The following NCOA6 variants were observed in gnomAD, a reference collection of about 807,000 sequenced individuals.
NCOA6 encodes NRC RAP250.
Under a neutral mutation model 171.4 loss-of-function variants are expected in NCOA6, and 49 were observed. The observed-to-expected ratio is 0.29, with a 90% CI of 0.23 to 0.36. The LOEUF (loss-of-function observed/expected upper bound fraction) is 0.36, where lower values mean the gene tolerates loss of function less well. Among genes scored for constraint, NCOA6 ranks in the 10% least tolerant of loss-of-function variants. The pLI, the probability that NCOA6 is intolerant of heterozygous loss-of-function variation, is 1.00. For synonymous variants in NCOA6, 910 were observed against 927.5 expected (o/e 0.98, Z 0.34); for missense variants, 2,248 against 2,554.5 (o/e 0.88, Z 2.59).
chr20:34,807,758 C>G (rs932806363), intron 1 of NCOA6, among the ~76,000 whole-genome samples: 3 of 152,022 alleles, frequency 2.0e-5, no homozygotes, highest in Non-Finnish European at 4.4e-5. Context: ...ATCTCCTGAC[C>G]TCATGATCCG....
chr20:34,735,438 G>T (rs1400674359), intron 12 of NCOA6, among the ~76,000 whole-genome samples: 2 of 152,106 alleles, frequency 1.3e-5, no homozygotes, highest in South Asian at 4.1e-4. Context: ...GAGGTCAGGA[G>T]ATCGAGACCA....
intron 3 of NCOA6, among the ~76,000 whole-genome samples, chr20:34,780,356 T>A (rs1325308579): frequency 6.6e-6 from 1 of 152,154 alleles, no homozygotes; most frequent in African/African-American, 2.4e-5. Flanking sequence ...TGGTTATTTT[T>A]TATTTATTTT....
chr20:34,751,561 A>T (rs1011108353), intron 8 of NCOA6, among the ~76,000 whole-genome samples: 7 of 151,962 alleles, frequency 4.6e-5, no homozygotes, highest in African/African-American at 1.2e-4. Context: ...CTCTGCCCTG[A>T]TGTGGTAAAA....
intron 1 of NCOA6, among the ~76,000 whole-genome samples, chr20:34,812,062 A>G (rs983902919): frequency 6.6e-6 from 1 of 151,986 alleles, no homozygotes; most frequent in Admixed American, 6.6e-5. Flanking sequence ...AGCCTGGCCA[A>G]CATGGTGAAA....
chr20:34,764,151 G>A (rs569357782), intron 5 of NCOA6, among the ~76,000 whole-genome samples: 4 of 150,732 alleles, frequency 2.7e-5, no homozygotes, highest in Middle Eastern at 3.4e-3. Flanking sequence ...GCAGTGGCGC[G>A]ATCTCGGCTC....
At chr20:34,770,653 C>T (rs1356439741) in intron 4 of NCOA6, among the ~76,000 whole-genome samples, 7 of 147,346 alleles carry the variant, frequency 4.8e-5, no homozygotes, top group East Asian at 2.0e-4. Context: ...TTTTTTGAAT[C>T]GGAGTGTCTC....
chr20:34,731,527 A>G (rs1434482627), intron 13 of NCOA6, among the ~76,000 whole-genome samples: 1 of 152,268 alleles, frequency 6.6e-6, no homozygotes, highest in African/African-American at 2.4e-5. Context: ...ATACTGTGAA[A>G]ATTAGATGAG....
intron 1 of NCOA6, among the ~76,000 whole-genome samples, chr20:34,807,416 A>G (rs1430273585): frequency 1.3e-5 from 2 of 152,226 alleles, no homozygotes; most frequent in African/African-American, 4.8e-5. Context: ...CCCATGCCAT[A>G]ATAAAAATGT....
At chr20:34,724,308 A>C (rs1337222591) in intron 14 of NCOA6, among the ~76,000 whole-genome samples, 1 of 152,146 alleles carries the variant, frequency 6.6e-6, no homozygotes, top group Non-Finnish European at 1.5e-5. Flanking sequence ...GTACACCTCA[A>C]TTTTAACTGT....
intron 4 of NCOA6, 64 bp from the exon 5 acceptor site, chr20:34,768,650 C>G: frequency 6.3e-7 from 1 of 1,576,164 alleles, no homozygotes; most frequent in Non-Finnish European, 8.7e-7. Flanking sequence ...TGTTTATAGA[C>G]AGCTATATAA....
chr20:34,722,763 A>C (rs1989528310), intron 14 of NCOA6, among the ~76,000 whole-genome samples: 1 of 151,918 alleles, frequency 6.6e-6, no homozygotes, highest in African/African-American at 2.4e-5. Flanking sequence ...AGGCAAGTGA[A>C]TCACTTGAGG....
At chr20:34,758,231 T>G in intron 6 of NCOA6, 127 bp from the exon 7 acceptor site, 1 of 1,259,992 alleles carries the variant, frequency 7.9e-7, no homozygotes, top group East Asian at 2.5e-5. Context: ...TAAATGCTTG[T>G]GAATACCTTC....
At chr20:34,808,436 C>CTTTTTTT (rs957085400) in intron 1 of NCOA6, among the ~76,000 whole-genome samples, 2 of 125,490 alleles carry the variant, frequency 1.6e-5, no homozygotes, top group Non-Finnish European at 1.7e-5. Flanking sequence ...CTTGTCTGTG[C>CTTTTTTT]TTTTTTTTTT....
intron 3 of NCOA6, among the ~76,000 whole-genome samples, chr20:34,780,480 T>C (rs1420409615): frequency 1.3e-5 from 2 of 151,562 alleles, no homozygotes; most frequent in African/African-American, 4.9e-5. Flanking sequence ...GCCACCCGAG[T>C]AGCTGGGATT....
intron 10 of NCOA6, among the ~76,000 whole-genome samples, chr20:34,745,049 A>C (rs951299776): frequency 6.6e-6 from 1 of 152,208 alleles, no homozygotes; most frequent in Non-Finnish European, 1.5e-5. Flanking sequence ...GACGTGACAG[A>C]ATGGTGAAGA....
chr20:34,762,165 T>G (rs2076838382), intron 5 of NCOA6, among the ~76,000 whole-genome samples: 1 of 152,156 alleles, frequency 6.6e-6, no homozygotes, highest in Non-Finnish European at 1.5e-5. Flanking sequence ...CCTGGTGAAT[T>G]TTTCCTTTTA....
intron 1 of NCOA6, among the ~76,000 whole-genome samples, chr20:34,813,967 G>A (rs944113672): frequency 3.3e-5 from 5 of 151,930 alleles, no homozygotes; most frequent in Non-Finnish European, 5.9e-5. Flanking sequence ...TCATTTTAGG[G>A]AATATATTCT....
intron 1 of NCOA6, among the ~76,000 whole-genome samples, chr20:34,795,212 T>C (rs1039406294): frequency 1.3e-5 from 2 of 152,180 alleles, no homozygotes; most frequent in Non-Finnish European, 2.9e-5. Flanking sequence ...TCGAAAATTG[T>C]TGGAAAACAG....
chr20:34,794,427 T>C (rs1385748061), intron 1 of NCOA6, among the ~76,000 whole-genome samples: 3 of 152,016 alleles, frequency 2.0e-5, no homozygotes, highest in Non-Finnish European at 4.4e-5. Context: ...CTGCTTGTAA[T>C]AGAAAAGTTA....
Sources: allele counts gnomAD v4.1 joint callset (sites outside exome capture counted in the v4.1 genomes callset), GRCh38; gene constraint gnomAD v4.1.1; transcripts MANE v1.5; gene names NCBI Gene and HGNC (gene_info 2026-07-23, HGNC 2026-07-21).